Variants in C4orf50 observed in about 807,000 individuals in gnomAD.
C4orf50 encodes the protein chromosome 4 open reading frame 50.
Under a neutral mutation model 77.2 loss-of-function variants are expected in C4orf50, and 80 were observed. That is an observed-to-expected ratio of 1.04 (90% CI 0.87 to 1.25). The LOEUF is 1.25. C4orf50 is among the 50% of genes most tolerant of loss of function. C4orf50 has a pLI of 0.00. For missense variants in C4orf50, 1,257 were observed against 1,152.9 expected (o/e 1.09, Z -1.31); for synonymous variants, 532 against 465.3 (o/e 1.14, Z -1.84).
intron 25 of C4orf50, among the ~76,000 whole-genome samples, chr4:6,003,364 G>A (rs534099233): frequency 8.5e-4 from 129 of 152,348 alleles, no homozygotes; most frequent in African/African-American, 3.0e-3. Flanking sequence ...GGTAGTGAGG[G>A]TGATTTACCC....
Position 5,970,567 on chromosome 4 carries a change from C to A in C4orf50, c.4104+3092G>T, listed in dbSNP as rs912319398. 6.6e-6 allele frequency among the ~76,000 whole-genome samples: 1 copy of A among 152,182 alleles called. No individual in the cohort carries two copies. Among genetic ancestry groups the A allele is most frequent in the Non-Finnish European group, 1.5e-5 (1 of 68,046 alleles). On this transcript the variant is annotated intron_variant, in intron 31 of 33. Transcript: ENST00000531445. This position sits in a 1 kb window ranked among gnomAD's most constrained non-coding sequence, Gnocchi z 4.3. ...ACAGCGGTGCTGGGACCCGTGGCCC[C>A]CAGCCCAACACCACATGCCTGCAGA...
chr4:5,983,398 T>C (rs2108784074), intron 28 of C4orf50, among the ~76,000 whole-genome samples: 1 of 152,314 alleles, frequency 6.6e-6, no homozygotes, highest in Non-Finnish European at 1.5e-5. Flanking sequence ...CCACGCTGAC[T>C]ACTTTCTGTT....
intron 28 of C4orf50, among the ~76,000 whole-genome samples, chr4:5,985,177 C>A (rs1720793779): frequency 1.3e-5 from 2 of 151,750 alleles, no homozygotes; most frequent in Admixed American, 1.3e-4. Context: ...AAATTGTTTT[C>A]ATAAAAAGAA....
At chr4:5,925,167 G>A (rs1303913643) in intron 7 of C4orf50, among the ~76,000 whole-genome samples, 1 of 152,118 alleles carries the variant, frequency 6.6e-6, no homozygotes, top group Non-Finnish European at 1.5e-5. Flanking sequence ...TCACTGAGTG[G>A]GGAAGAGAAG....
rs949357647 is a variant in C4orf50 at position 5,992,680 on chromosome 4, T to A, written c.1221+123A>T. 1 of 394,426 alleles carries A rather than the reference T, an allele frequency of 2.5e-6. No individual in the cohort carries two copies. The highest frequency in any genetic ancestry group is 4.5e-6 in the Non-Finnish European group (1 of 223,770). 24.4% of individuals were successfully genotyped at this position (394,426 alleles called of 1,614,324 possible). Reference sequence around the variant, plus strand: ...TCTCTCTCAACTACTTCCAGAATGTTCTCCCAGACCTGGAGCTTCTTTACC... The same window carrying A: ...TCTCTCTCAACTACTTCCAGAATGTACTCCCAGACCTGGAGCTTCTTTACC... On this transcript the variant is annotated intron_variant, in intron 27 of 33. Coordinates refer to ENST00000531445, the Ensembl canonical transcript of C4orf50. This position sits in a 1 kb window ranked among gnomAD's most constrained non-coding sequence, Gnocchi z 5.0.
At chr4:5,904,992 A>C (rs999581865) in intron 7 of C4orf50, 1 of 152,238 alleles carries the variant, frequency 6.6e-6, no homozygotes, top group African/African-American at 2.4e-5. Flanking sequence ...CACAACAAGG[A>C]TCCTGACACT....
chr4:5,929,926 T>C (rs907307494), intron 7 of C4orf50, among the ~76,000 whole-genome samples: 3 of 152,354 alleles, frequency 2.0e-5, no homozygotes, highest in Non-Finnish European at 2.9e-5. Flanking sequence ...GCAAATTTTA[T>C]TGGGCTCTAC....
chr4:5,914,353 T>C (rs1716946304), intron 7 of C4orf50, among the ~76,000 whole-genome samples: 1 of 151,958 alleles, frequency 6.6e-6, no homozygotes, highest in Non-Finnish European at 1.5e-5. Context: ...TATAGGCGCC[T>C]GCCACCATGC....
chr4:5,914,183 T>C (rs1716930533), intron 7 of C4orf50, among the ~76,000 whole-genome samples: 3 of 150,090 alleles, frequency 2.0e-5, no homozygotes, highest in Non-Finnish European at 3.0e-5. Flanking sequence ...GGTTAACAGA[T>C]TTTGTTTTTG....
chr4:5,988,603 C>T lies in C4orf50; in HGVS notation c.3443G>A (p.Cys1148Tyr), dbSNP rs1721020965. The T allele has an allele frequency of 3.3e-6, 5 of 1,536,172 alleles. No homozygotes were observed. The East Asian group carries it at 1.2e-4, about 38-fold the overall frequency. Residue 1148 changes from cysteine (C) to tyrosine (Y), a missense_variant, in exon 28 of 34, where the codon TGT becomes TAT. Physicochemically the swap from Cys to Tyr is radical, Grantham distance 194 (BLOSUM62 -2). Transcript: ENST00000531445. ...CATTTCCTCCTCCAAGGGTGGCCCA[C>T]AGGCTCTTGAAAGCAGCTGTCCTGT...
chr4:5,945,424 C>T (rs1034103884), intron 7 of C4orf50, among the ~76,000 whole-genome samples: 4 of 152,198 alleles, frequency 2.6e-5, no homozygotes, highest in African/African-American at 4.8e-5. Context: ...TTAAGTAGCC[C>T]GGCCAGAGTG....
chr4:5,963,038 G>T (rs1167177165), intron 33 of C4orf50, among the ~76,000 whole-genome samples: 2 of 140,612 alleles, frequency 1.4e-5, no homozygotes, highest in Non-Finnish European at 3.0e-5. Flanking sequence ...GTCTCGCTCT[G>T]TTGCCCTGGC....
At position 5,958,093 on chromosome 4, in the gene C4orf50, G is replaced by A. The variant is rs1248347976; in HGVS notation, c.*1282C>T. 2 of 152,256 alleles carry A rather than the reference G, an allele frequency of 1.3e-5. No individual in the cohort carries two copies. Among genetic ancestry groups the A allele is most frequent in the Non-Finnish European group, 2.9e-5 (2 of 68,088 alleles). 9.4% of individuals were successfully genotyped at this position (152,256 alleles called of 1,614,324 possible). Reference sequence around the variant, plus strand: ...GAGAGGACAGAATTGGACAGGTAGCGGCTTTGGCCTTTCCCTTAAGCCCCT... The same window carrying A: ...GAGAGGACAGAATTGGACAGGTAGCAGCTTTGGCCTTTCCCTTAAGCCCCT... On this transcript the variant is annotated 3_prime_UTR_variant, in exon 34 of 34. Coordinates refer to ENST00000531445, the Ensembl canonical transcript of C4orf50. This position sits in a 1 kb window ranked among gnomAD's most constrained non-coding sequence, Gnocchi z 5.4.
Position 5,908,575 on chromosome 4 carries a change from G to C in C4orf50, c.*2475-10387C>G, listed in dbSNP as rs114234184. On this transcript the variant is annotated intron_variant, in intron 7 of 7. Transcript: ENST00000324058. The surrounding 1 kb of genome is among the most constrained non-coding windows in gnomAD (Gnocchi z 5.6). ...AGGGAGACGACCATGCGATGGGGAG[G>C]GGGGAAAGCCCTGGGGTATCAGAAA... Among the ~76,000 whole-genome samples, 1,135 of 152,136 alleles carry C rather than the reference G, an allele frequency of 7.5e-3. 14 individuals are homozygous for C. The highest frequency in any genetic ancestry group is 0.025 in the African/African-American group (1,051 of 41,510).
intron 7 of C4orf50, among the ~76,000 whole-genome samples, chr4:5,944,403 C>T (rs1463449977): frequency 6.6e-6 from 1 of 152,178 alleles, no homozygotes; most frequent in Non-Finnish European, 1.5e-5. Flanking sequence ...CTCCCACTAT[C>T]CTGTGCTCCC....
At chr4:6,016,875 G>A (rs908277021) in intron 23 of C4orf50, among the ~76,000 whole-genome samples, 1 of 152,134 alleles carries the variant, frequency 6.6e-6, no homozygotes. Flanking sequence ...TAAATCAAAG[G>A]CAAGTACAAG....
chr4:5,931,952 C>T (rs1577902012), intron 7 of C4orf50, among the ~76,000 whole-genome samples: 1 of 152,202 alleles, frequency 6.6e-6, no homozygotes, highest in Non-Finnish European at 1.5e-5. Flanking sequence ...GTGCAAGCCA[C>T]GCAGAAGGGC....
chr4:5,991,323 G>T (rs1721280608), intron 27 of C4orf50, among the ~76,000 whole-genome samples: 1 of 152,134 alleles, frequency 6.6e-6, no homozygotes, highest in South Asian at 2.1e-4. Context: ...GCCCCATGTG[G>T]CTCGTGGCTA....
At chr4:5,957,940 A>AT (rs1397863602) in exon 34 of C4orf50, 1 of 152,202 alleles carries the variant, frequency 6.6e-6, no homozygotes, top group Non-Finnish European at 1.5e-5. Context: ...ACTCTGTGTA[A>AT]TTTTCATTTC....
Sources: allele counts gnomAD v4.1 joint callset (sites outside exome capture counted in the v4.1 genomes callset), GRCh38; gene constraint gnomAD v4.1.1; non-coding constraint Gnocchi (gnomAD v3.1); transcripts MANE v1.5; gene names NCBI Gene and HGNC (gene_info 2026-07-23, HGNC 2026-07-21).